Variants in PLEKHA1 observed in about 807,000 individuals in gnomAD.
PLEKHA1 encodes the protein pleckstrin homology domain-containing family A member 1.
A neutral mutation model predicts 52.0 loss-of-function variants in PLEKHA1; 34 were observed. That is an observed-to-expected ratio of 0.65 (90% CI 0.50 to 0.87). The LOEUF is 0.87. Ranked by LOEUF, PLEKHA1 falls within the 40% of genes least tolerant of loss-of-function variation. The pLI is 0.00. For missense variants in PLEKHA1, 497 were observed against 504.2 expected, an observed-to-expected ratio of 0.99 and a Z score of 0.14; for synonymous variants, 163 against 170.7, an observed-to-expected ratio of 0.95 and a Z score of 0.35.
chr10:122,392,039 A>G (rs908119534), intron 1 of PLEKHA1, among the ~76,000 whole-genome samples: 2 of 152,194 alleles, frequency 1.3e-5, no homozygotes, highest in African/African-American at 4.8e-5. Flanking sequence ...TAGAAGTACC[A>G]GAATAGTAAC....
chr10:122,377,244 A>G (rs2096550992), intron 1 of PLEKHA1, among the ~76,000 whole-genome samples: 1 of 152,308 alleles, frequency 6.6e-6, no homozygotes, highest in South Asian at 2.1e-4. Flanking sequence ...CAATAGTAAC[A>G]TTGCTTTTAT....
chr10:122,429,844 C>G lies in PLEKHA1; in HGVS notation c.1121C>G (p.Ala374Gly). ...CCAGCTTCCAAAGTGACTGAACAAG[C>G]TCTGTTAAGACCTCAAAGTAAAAAT... is the stretch of plus-strand genomic sequence containing the variant. ...REPASKVTEQ[A>G]LLRPQSKNGP... The change falls in exon 12 of 12, where the codon GCT (alanine) becomes GGT (glycine). Residue 374 changes from alanine (A) to glycine (G), a missense_variant. Coordinates refer to ENST00000368990, the MANE Select transcript of PLEKHA1 (RefSeq NM_001001974.4). 1 of 1,614,158 alleles carries G rather than the reference C, an allele frequency of 6.2e-7. No individual in the cohort carries two copies. Among genetic ancestry groups the G allele is most frequent in the Non-Finnish European group, 8.5e-7 (1 of 1,180,034 alleles).
At chr10:122,385,847 G>A (rs527992237) in intron 1 of PLEKHA1, among the ~76,000 whole-genome samples, 1 of 152,104 alleles carries the variant, frequency 6.6e-6, no homozygotes, top group Non-Finnish European at 1.5e-5. Context: ...ATATTTTATT[G>A]TATTGGATGC....
At chr10:122,374,836 G>C (rs2096496752) in intron 1 of PLEKHA1, 30 bp downstream of exon 1, 1 of 152,560 alleles carries the variant, frequency 6.6e-6, no homozygotes, top group Non-Finnish European at 1.5e-5. Context: ...ACGCGGCCGC[G>C]CTGGAGCAGG....
At chr10:122,388,722 C>T (rs1021157428) in intron 1 of PLEKHA1, among the ~76,000 whole-genome samples, 3 of 152,182 alleles carry the variant, frequency 2.0e-5, no homozygotes, top group Non-Finnish European at 1.5e-5. Context: ...ATCTCAGCCT[C>T]TTCAAATGAG....
intron 8 of PLEKHA1, 23 bp from the exon 9 acceptor site, chr10:122,424,171 GTTTTT>G (rs34058512): frequency 1.0e-3 from 996 of 950,004 alleles, no homozygotes; most frequent in South Asian, 1.7e-3. Context: ...TCATGTAACT[GTTTTT>G]TTTTTTTTTT....
intron 8 of PLEKHA1, 103 bp from the exon 9 acceptor site, chr10:122,424,095 AG>A: frequency 7.2e-7 from 1 of 1,381,940 alleles, no homozygotes; most frequent in South Asian, 1.4e-5. Context: ...TCAGAAAAGA[AG>A]TGTGATTTTC....
At chr10:122,389,337 C>T (rs368495772) in intron 1 of PLEKHA1, among the ~76,000 whole-genome samples, 80 of 152,302 alleles carry the variant, frequency 5.3e-4, no homozygotes, top group South Asian at 2.3e-3. Flanking sequence ...TGGGTGACCA[C>T]GTGCATTGTC....
intron 1 of PLEKHA1, among the ~76,000 whole-genome samples, chr10:122,382,209 A>G (rs1321688983): frequency 6.6e-6 from 1 of 152,232 alleles, no homozygotes; most frequent in Admixed American, 6.5e-5. Context: ...CGTGGACAAC[A>G]CCACAATCAA....
chr10:122,380,391 TAATCAA>T (rs1252964421), intron 1 of PLEKHA1, among the ~76,000 whole-genome samples: 1 of 152,164 alleles, frequency 6.6e-6, no homozygotes. Flanking sequence ...ATTCATTAGA[TAATCAA>T]TAAATGCTAA....
chr10:122,404,698 G>T (rs941723633), intron 4 of PLEKHA1, among the ~76,000 whole-genome samples: 3 of 152,184 alleles, frequency 2.0e-5, no homozygotes, highest in African/African-American at 7.2e-5. Flanking sequence ...TCTCTAGAAA[G>T]ATGTACAAGA....
intron 1 of PLEKHA1, among the ~76,000 whole-genome samples, chr10:122,392,921 A>C (rs1207278886): frequency 6.6e-6 from 1 of 152,114 alleles, no homozygotes; most frequent in Non-Finnish European, 1.5e-5. Flanking sequence ...TTAGGGAAAA[A>C]GTAAGTAAAT....
intron 1 of PLEKHA1, among the ~76,000 whole-genome samples, chr10:122,375,195 C>T (rs1169358311): frequency 2.0e-5 from 3 of 152,038 alleles, no homozygotes; most frequent in Admixed American, 1.3e-4. Flanking sequence ...TCTCCGCCCC[C>T]CGAGAAATCC....
At chr10:122,415,549 T>G (rs1227903711) in intron 6 of PLEKHA1, among the ~76,000 whole-genome samples, 1 of 152,240 alleles carries the variant, frequency 6.6e-6, no homozygotes, top group African/African-American at 2.4e-5. Context: ...AAAGGGTACA[T>G]AGGACCTGTT....
downstream of PLEKHA1, chr10:122,436,447 G>C (rs1384510572): frequency 6.6e-6 from 1 of 152,176 alleles, no homozygotes. Flanking sequence ...GCTTTAAGAT[G>C]CTGGATTCTT....
the PLEKHA1 span, chr10:122,437,426 A>T: frequency 6.6e-6 from 1 of 152,200 alleles, no homozygotes; most frequent in Non-Finnish European, 1.5e-5. Flanking sequence ...ATCCAAGTAG[A>T]AATGGCAGGC....
chr10:122,403,699 C>CT (rs200497329), intron 4 of PLEKHA1, among the ~76,000 whole-genome samples: 5 of 150,662 alleles, frequency 3.3e-5, no homozygotes, highest in Admixed American at 2.6e-4. Context: ...TTGCTTTCCC[C>CT]TTTTTTTTTC....
chr10:122,385,393 C>A (rs2096676396), intron 1 of PLEKHA1, among the ~76,000 whole-genome samples: 2 of 146,166 alleles, frequency 1.4e-5, no homozygotes, highest in Admixed American at 1.4e-4. Flanking sequence ...TCTAGGCCCA[C>A]TGCAACCTCC....
At chr10:122,397,385 T>C (rs1284475736) in intron 2 of PLEKHA1, among the ~76,000 whole-genome samples, 2 of 151,848 alleles carry the variant, frequency 1.3e-5, no homozygotes, top group African/African-American at 4.8e-5. Context: ...TCCCTGCATA[T>C]GATAAAGAGA....
Sources: allele counts gnomAD v4.1 joint callset (sites outside exome capture counted in the v4.1 genomes callset), GRCh38; gene constraint gnomAD v4.1.1; transcripts MANE v1.5; gene names NCBI Gene and HGNC (gene_info 2026-07-23, HGNC 2026-07-21).